Variants in PLCZ1 observed in about 807,000 individuals in gnomAD.
PLCZ1 encodes the protein 1-phosphatidylinositol 4,5-bisphosphate phosphodiesterase zeta-1.
In PLCZ1, 64 loss-of-function variants were observed where a neutral mutation model predicts 76.8. That is an observed-to-expected ratio of 0.83 (90% CI 0.68 to 1.03). The LOEUF (loss-of-function observed/expected upper bound fraction) is 1.03. Among genes scored for constraint, PLCZ1 ranks in the 50% least tolerant of loss-of-function variants. The pLI, the probability that PLCZ1 is intolerant of heterozygous loss-of-function variation, is 0.00. For synonymous variants in PLCZ1, 248 were observed against 230.8 expected (o/e 1.07, Z -0.68); for missense variants, 751 against 713.7 (o/e 1.05, Z -0.60).
the PLCZ1 span, among the ~76,000 whole-genome samples, chr12:18,654,642 G>A: frequency 3.3e-5 from 5 of 152,166 alleles, no homozygotes; most frequent in African/African-American, 1.2e-4. Flanking sequence ...TAAAAGTAAA[G>A]CAAAGAGAGG....
the PLCZ1 span, among the ~76,000 whole-genome samples, chr12:18,676,895 TC>T: frequency 6.6e-6 from 1 of 152,100 alleles, no homozygotes; most frequent in Admixed American, 6.6e-5. Flanking sequence ...ATCTATGCAT[TC>T]CTCATTTTTT....
chr12:18,648,224 C>T, the PLCZ1 span: 1 of 334,580 alleles, frequency 3.0e-6, no homozygotes, highest in Non-Finnish European at 5.4e-6. Flanking sequence ...ATAATCTTTT[C>T]TCCTTCAGTG....
chr12:18,652,787 G>A, the PLCZ1 span, among the ~76,000 whole-genome samples: 4 of 152,050 alleles, frequency 2.6e-5, no homozygotes, highest in African/African-American at 9.7e-5. Context: ...AACCTAATGA[G>A]GTGGGAAAGA....
the PLCZ1 span, among the ~76,000 whole-genome samples, chr12:18,671,187 TA>T: frequency 1.5e-3 from 207 of 134,046 alleles, no homozygotes; most frequent in Middle Eastern, 3.9e-3. Flanking sequence ...AGACTCCATC[TA>T]AAAAAAAAAA....
the PLCZ1 span, among the ~76,000 whole-genome samples, chr12:18,655,451 A>T: frequency 1.3e-5 from 2 of 152,222 alleles, no homozygotes; most frequent in Non-Finnish European, 2.9e-5. Context: ...ATCCACGCAG[A>T]ATTCCTAATT....
the PLCZ1 span, among the ~76,000 whole-genome samples, chr12:18,646,960 C>T: frequency 1.3e-5 from 2 of 151,712 alleles, no homozygotes; most frequent in African/African-American, 2.4e-5. Context: ...GTATATACAG[C>T]ATAATTACAA....
intron 10 of PLCZ1, among the ~76,000 whole-genome samples, chr12:18,697,251 T>C (rs1349683000): frequency 6.6e-6 from 1 of 152,152 alleles, no homozygotes; most frequent in Non-Finnish European, 1.5e-5. Flanking sequence ...TCCTAAATAC[T>C]ATTATTTAGG....
chr12:18,712,117 C>T (rs912822730), intron 6 of PLCZ1, among the ~76,000 whole-genome samples: 1 of 151,976 alleles, frequency 6.6e-6, no homozygotes, highest in African/African-American at 2.4e-5. Context: ...AGTAAGAATT[C>T]TTTTAGTCAT....
chr12:18,653,528 C>A, the PLCZ1 span, among the ~76,000 whole-genome samples: 4 of 152,120 alleles, frequency 2.6e-5, no homozygotes, highest in Admixed American at 6.5e-5. Context: ...TTCTTAACTC[C>A]AGACACAGGT....
chr12:18,647,327 G>T, the PLCZ1 span, among the ~76,000 whole-genome samples: 1 of 151,454 alleles, frequency 6.6e-6, no homozygotes, highest in Non-Finnish European at 1.5e-5. Flanking sequence ...ACCAAGGGTA[G>T]AAAAACTACC....
At chr12:18,696,313 A>G in intron 10 of PLCZ1, 47 bp from the exon 11 acceptor site, 1 of 470,662 alleles carries the variant, frequency 2.1e-6, no homozygotes, top group South Asian at 1.9e-5. Context: ...AAATAAATTT[A>G]AAAAGCCACT....
chr12:18,669,697 A>C, the PLCZ1 span, among the ~76,000 whole-genome samples: 1 of 151,570 alleles, frequency 6.6e-6, no homozygotes, highest in East Asian at 1.9e-4. Context: ...TCGCTCTGTC[A>C]CCCAGGCTAG....
At chr12:18,650,448 T>C in the PLCZ1 span, among the ~76,000 whole-genome samples, 20 of 149,120 alleles carry the variant, frequency 1.3e-4, no homozygotes, top group African/African-American at 4.7e-4. Context: ...ATCTTTGCCA[T>C]TCAAATTACT....
At chr12:18,675,364 T>C in the PLCZ1 span, among the ~76,000 whole-genome samples, 3 of 152,088 alleles carry the variant, frequency 2.0e-5, no homozygotes, top group Admixed American at 6.6e-5. Flanking sequence ...ATTGAGACTA[T>C]ACCAACAGAT....
At chr12:18,667,298 T>A in the PLCZ1 span, among the ~76,000 whole-genome samples, 2 of 152,120 alleles carry the variant, frequency 1.3e-5, no homozygotes, top group Non-Finnish European at 2.9e-5. Flanking sequence ...ATATCTTAAT[T>A]AAACCCTTGG....
At chr12:18,698,144 C>T (rs1043500920) in intron 10 of PLCZ1, among the ~76,000 whole-genome samples, 10 of 151,876 alleles carry the variant, frequency 6.6e-5, no homozygotes, top group Non-Finnish European at 7.4e-5. Context: ...TTAACCACAC[C>T]TTACAGCAAG....
At chr12:18,734,776 T>C (rs891644663) in intron 3 of PLCZ1, among the ~76,000 whole-genome samples, 2 of 152,212 alleles carry the variant, frequency 1.3e-5, no homozygotes, top group African/African-American at 4.8e-5. Flanking sequence ...TCTTGACTAA[T>C]TGCTTTGGCT....
At chr12:18,698,419 C>T (rs1002426308) in intron 10 of PLCZ1, among the ~76,000 whole-genome samples, 2 of 151,970 alleles carry the variant, frequency 1.3e-5, no homozygotes, top group African/African-American at 4.8e-5. Context: ...AGGAAAAGAG[C>T]CTTTAAAAAA....
rs202034415 is a variant in PLCZ1 at position 18,685,997 on chromosome 12, GAATT to G, written c.1592-1722_1592-1719del. Reference sequence around the variant, plus strand: ...TATCCTAGACATGACCAAAACTGAAGAATTATTTCCACATTTTATCCAAATGTTA... The same window carrying G: ...TATCCTAGACATGACCAAAACTGAAGATTTCCACATTTTATCCAAATGTTA... On this transcript the variant is annotated intron_variant, in intron 13 of 14. Transcript: ENST00000266505. 4.5e-3 allele frequency among the ~76,000 whole-genome samples: 691 copies of G among 152,074 alleles called. 11 individuals carry two copies. Among genetic ancestry groups the G allele is most frequent in the African/African-American group, 0.015 (620 of 41,520 alleles).
Sources: allele counts gnomAD v4.1 joint callset (sites outside exome capture counted in the v4.1 genomes callset), GRCh38; gene constraint gnomAD v4.1.1; transcripts MANE v1.5; gene names NCBI Gene and HGNC (gene_info 2026-07-23, HGNC 2026-07-21).